NECTIN1: variants seen among roughly 807,000 people sequenced by gnomAD.
NECTIN1 encodes the protein nectin-1.
In NECTIN1, 23 loss-of-function variants were observed where a neutral mutation model predicts 48.0. The ratio of observed to expected loss-of-function variants is 0.48; its 90% CI spans 0.34 to 0.68. The LOEUF is 0.68. NECTIN1 is among the 30% of genes least tolerant of loss of function. The pLI, the probability that NECTIN1 is intolerant of heterozygous loss-of-function variation, is 0.01. For synonymous variants in NECTIN1, 270 were observed against 288.9 expected (o/e 0.93, Z 0.66); for missense variants, 591 against 709.9 (o/e 0.83, Z 1.90).
intron 1 of NECTIN1, among the ~76,000 whole-genome samples, chr11:119,685,939 C>T (rs1388575442): frequency 3.3e-5 from 5 of 152,146 alleles, no homozygotes; most frequent in Admixed American, 2.0e-4. Flanking sequence ...ATGACCTGTC[C>T]AGCTCACTCT....
chr11:119,685,457 C>T (rs561991199), intron 1 of NECTIN1, among the ~76,000 whole-genome samples: 1 of 152,240 alleles, frequency 6.6e-6, no homozygotes, highest in South Asian at 2.1e-4. Context: ...GCTGGCCCTG[C>T]TCTGCTGCCC....
In NECTIN1 at chr11:119,661,792, C is replaced by T; in HGVS notation, c.*2955G>A. 7.1e-6 allele frequency: 7 copies of T among 985,532 alleles called. No homozygotes were observed. The highest frequency in any genetic ancestry group is 8.4e-6 in the Non-Finnish European group (7 of 829,958). 61.0% of individuals were successfully genotyped at this position (985,532 alleles called of 1,614,324 possible). A position where few individuals can be genotyped will look rare whatever the true frequency, so the allele number is the denominator to read the frequency against. On this transcript the variant is annotated 3_prime_UTR_variant, in exon 6 of 6. Transcript: ENST00000264025. ...TTTCAGCAGGATCAGACCATTCCCT[C>T]TGCCACATCTGTGCTGAGTGGCCAT...
chr11:119,652,912 C>T (rs56303113), intron 5 of NECTIN1, among the ~76,000 whole-genome samples: 2,648 of 152,356 alleles, frequency 0.017, 41 homozygotes, highest in Non-Finnish European at 0.021. Flanking sequence ...GAGAGAGGCA[C>T]ACTGTGGCCT....
At chr11:119,714,357 C>G (rs1865711624) in intron 1 of NECTIN1, among the ~76,000 whole-genome samples, 1 of 152,180 alleles carries the variant, frequency 6.6e-6, no homozygotes, top group Non-Finnish European at 1.5e-5. Flanking sequence ...TGCCACAGAG[C>G]CACTGCACCA....
intron 1 of NECTIN1, among the ~76,000 whole-genome samples, chr11:119,692,985 G>A (rs1056364154): frequency 6.6e-6 from 1 of 152,178 alleles, no homozygotes; most frequent in Non-Finnish European, 1.5e-5. Flanking sequence ...TTGTAGAGAG[G>A]GCAGGCACCA....
Position 119,684,454 on chromosome 11 carries a change from C to T in NECTIN1, c.80-5689G>A, listed in dbSNP as rs912910853. ...TCCGCCATAAGGGCCTCTGTGAAAT[C>T]GATATCCTTCGGGATGCATTTCTAG... On this transcript the variant is annotated intron_variant, in intron 1 of 5. Transcript: ENST00000264025. This position sits in a 1 kb window ranked among gnomAD's most constrained non-coding sequence, Gnocchi z 5.2. Among the ~76,000 whole-genome samples the T allele has an allele frequency of 1.3e-5, 2 of 152,214 alleles. No homozygotes were observed. Among genetic ancestry groups the T allele is most frequent in the African/African-American group, 2.4e-5 (1 of 41,450 alleles).
In NECTIN1 at chr11:119,662,644, G is replaced by A. The variant is rs148431472; in HGVS notation, c.*2103C>T. On this transcript the variant is annotated 3_prime_UTR_variant, in exon 6 of 6. Transcript: ENST00000264025. This position sits in a 1 kb window ranked among gnomAD's most constrained non-coding sequence, Gnocchi z 5.3. The stretch of plus-strand genomic sequence containing the variant: ...CCCTGGGATTGCCTCCTGCCTGGGG[G>A]AAAAGGGGACCAAGCAGAGGGGCCA... 4,738 of 985,584 alleles carry A rather than the reference G, an allele frequency of 4.8e-3. 171 individuals carry two copies. The African/African-American group carries it at 0.076, about 16-fold the overall frequency. 61.1% of individuals were successfully genotyped at this position (985,584 alleles called of 1,614,324 possible).
downstream of NECTIN1, chr11:119,659,252 G>A (rs1435398477): frequency 4.6e-5 from 7 of 152,230 alleles, no homozygotes; most frequent in African/African-American, 1.7e-4. Context: ...GGCCAAAAAT[G>A]TGTTGTAAGT....
rs1331349328 is a variant in NECTIN1, at chr11:119,678,239, T to A, written c.430+176A>T. Among the ~76,000 whole-genome samples the A allele has an allele frequency of 6.6e-6, 1 of 152,100 alleles. No homozygotes were observed. Among genetic ancestry groups the A allele is most frequent in the Non-Finnish European group, 1.5e-5 (1 of 68,014 alleles). On this transcript the variant is annotated intron_variant, in intron 2 of 5. Coordinates refer to ENST00000264025, the MANE Select transcript of NECTIN1 (RefSeq NM_002855.5). This position sits in a 1 kb window ranked among gnomAD's most constrained non-coding sequence, Gnocchi z 4.4. ...TCTAGAGATAAGCCCCTGCCCCTAA[T>A]CCCTAGTGAATTGTGGGGTGGCCTG... is the stretch of plus-strand genomic sequence containing the variant.
At chr11:119,722,965 A>G (rs1412020009) in intron 1 of NECTIN1, among the ~76,000 whole-genome samples, 1 of 152,214 alleles carries the variant, frequency 6.6e-6, no homozygotes, top group Non-Finnish European at 1.5e-5. Flanking sequence ...TTTTAAAGAT[A>G]CGAAAACTTT....
intron 5 of NECTIN1, among the ~76,000 whole-genome samples, chr11:119,652,199 G>T (rs1161730641): frequency 6.6e-6 from 1 of 152,160 alleles, no homozygotes; most frequent in East Asian, 1.9e-4. Flanking sequence ...GTCAATTGTG[G>T]GGACCAGAGG....
At chr11:119,676,918 T>C in intron 4 of NECTIN1, 184 bp downstream of exon 4, 1 of 644,674 alleles carries the variant, frequency 1.6e-6, no homozygotes. Context: ...CTGTCACACA[T>C]GGACGTAATG....
intron 5 of NECTIN1, among the ~76,000 whole-genome samples, chr11:119,674,947 T>A (rs995117301): frequency 6.6e-6 from 1 of 152,140 alleles, no homozygotes; most frequent in African/African-American, 2.4e-5. Context: ...CCTGCCCCTC[T>A]CTGATTGGGG....
At chr11:119,696,261 C>T (rs4394851) in intron 1 of NECTIN1, among the ~76,000 whole-genome samples, 7,001 of 152,284 alleles carry the variant, frequency 0.046, 299 homozygotes, top group African/African-American at 0.11. Flanking sequence ...AAAAGTCTGT[C>T]TTTGGAGGGC....
At chr11:119,712,212 G>A (rs1168241319) in intron 1 of NECTIN1, among the ~76,000 whole-genome samples, 4 of 152,134 alleles carry the variant, frequency 2.6e-5, no homozygotes, top group South Asian at 2.1e-4. Context: ...CTGCGGAGGC[G>A]CTGGTTTTCT....
chr11:119,670,877 G>A (rs1864853267), intron 5 of NECTIN1, among the ~76,000 whole-genome samples: 1 of 151,896 alleles, frequency 6.6e-6, no homozygotes, highest in African/African-American at 2.4e-5. Flanking sequence ...GATCTCAAGT[G>A]GTCTGCCCAC....
Position 119,707,764 on chromosome 11 carries a change from G to T in NECTIN1, c.79+20711C>A, listed in dbSNP as rs539423021. ...TGGGGGTACATGAGCTTCCAGCCCTGATTTGATAATTATACATTGTAGGCA... is the reference window on the plus strand; with the variant it reads ...TGGGGGTACATGAGCTTCCAGCCCTTATTTGATAATTATACATTGTAGGCA... On this transcript the variant is annotated intron_variant, in intron 1 of 5. Transcript: ENST00000264025. Among the ~76,000 whole-genome samples, 11 of 152,294 alleles carry T rather than the reference G, an allele frequency of 7.2e-5. No homozygotes were observed. In the South Asian group the frequency reaches 1.9e-3, roughly 26 times the overall value.
chr11:119,707,616 C>G (rs1362843243), intron 1 of NECTIN1, among the ~76,000 whole-genome samples: 2 of 152,234 alleles, frequency 1.3e-5, no homozygotes, highest in Non-Finnish European at 2.9e-5. Flanking sequence ...GTTGCAGAAT[C>G]CTCTCCTTCC....
At chr11:119,697,932 C>T (rs1865370105) in intron 1 of NECTIN1, among the ~76,000 whole-genome samples, 1 of 152,262 alleles carries the variant, frequency 6.6e-6, no homozygotes, top group Admixed American at 6.5e-5. Flanking sequence ...GGCTGAAGCC[C>T]TCGGTGTCCT....
Sources: allele counts gnomAD v4.1 joint callset (sites outside exome capture counted in the v4.1 genomes callset), GRCh38; gene constraint gnomAD v4.1.1; non-coding constraint Gnocchi (gnomAD v3.1); transcripts MANE v1.5; gene names NCBI Gene and HGNC (gene_info 2026-07-23, HGNC 2026-07-21).